The following SPATA31F1 variants were observed in gnomAD, a reference collection of about 807,000 sequenced individuals.
SPATA31F1 encodes the protein protein SPATA31F1.
chr9:34,726,413 A>G, the SPATA31F1 span: 1 of 1,549,596 alleles, frequency 6.5e-7, no homozygotes, highest in Non-Finnish European at 8.7e-7. Flanking sequence ...GACCATATGC[A>G]AGGCCATTGG....
At chr9:34,723,387 C>G in the SPATA31F1 span, 7 of 1,551,572 alleles carry the variant, frequency 4.5e-6, no homozygotes, top group South Asian at 7.1e-5. Context: ...AAGGCTGGGC[C>G]CACCAGCTTC....
chr9:34,727,032 G>A, the SPATA31F1 span: 1 of 1,523,154 alleles, frequency 6.6e-7, no homozygotes, highest in Non-Finnish European at 8.8e-7. Flanking sequence ...AGTGACATCT[G>A]CCTTCTTGGA....
chr9:34,725,781 A>T, the SPATA31F1 span: 1 of 1,548,664 alleles, frequency 6.5e-7, no homozygotes, highest in Non-Finnish European at 8.7e-7. Context: ...GGTGGGGCTG[A>T]CTGGGGTGAA....
chr9:34,728,515 G>T, the SPATA31F1 span: 1 of 1,232,730 alleles, frequency 8.1e-7, no homozygotes, highest in Non-Finnish European at 1.2e-6. Context: ...CAGTGGCAGA[G>T]CACCTGGCTC....
At chr9:34,728,725 A>T in the SPATA31F1 span, 4 of 1,376,618 alleles carry the variant, frequency 2.9e-6, no homozygotes, top group Non-Finnish European at 4.0e-6. Context: ...AATGAGACAA[A>T]ACTTACATAC....
the SPATA31F1 span, chr9:34,728,122 T>G: frequency 2.1e-3 from 3,252 of 1,534,948 alleles, 8 homozygotes; most frequent in Non-Finnish European, 2.8e-3. Context: ...CATGGGATAA[T>G]TTCATAGGCA....
At chr9:34,723,562 T>C in the SPATA31F1 span, 1 of 1,551,810 alleles carries the variant, frequency 6.4e-7, no homozygotes. Flanking sequence ...CTTTGCCTTT[T>C]GTCTTGGGGT....
the SPATA31F1 span, chr9:34,723,326 T>C: frequency 6.4e-7 from 1 of 1,551,662 alleles, no homozygotes; most frequent in Non-Finnish European, 8.7e-7. Flanking sequence ...AGAGCCAGGT[T>C]GTCTGGAGTG....
chr9:34,726,935 G>A, the SPATA31F1 span: 1 of 1,551,596 alleles, frequency 6.4e-7, no homozygotes, highest in South Asian at 1.2e-5. Context: ...TTGGCAGCAG[G>A]GATCTGCACA....
chr9:34,729,257 T>C, the SPATA31F1 span: 4 of 1,545,186 alleles, frequency 2.6e-6, no homozygotes, highest in Non-Finnish European at 3.5e-6. Context: ...TGAGGCTTAA[T>C]TAGTTCAGTT....
the SPATA31F1 span, chr9:34,728,107 T>C: frequency 1.9e-6 from 3 of 1,549,706 alleles, no homozygotes; most frequent in Non-Finnish European, 2.6e-6. Flanking sequence ...GACAGTGTTA[T>C]ATGGCATGGG....
the SPATA31F1 span, chr9:34,724,358 A>G: frequency 6.4e-7 from 1 of 1,551,014 alleles, no homozygotes; most frequent in Non-Finnish European, 8.7e-7. Flanking sequence ...CTGTTCTTTA[A>G]GGTGAACCCC....
At chr9:34,727,685 A>G in the SPATA31F1 span, among the ~76,000 whole-genome samples, 10 of 152,234 alleles carry the variant, frequency 6.6e-5, no homozygotes, top group African/African-American at 2.4e-4. Flanking sequence ...TAAGACAAGG[A>G]TGACTTCTTT....
chr9:34,726,889 C>G, the SPATA31F1 span: 2 of 1,551,682 alleles, frequency 1.3e-6, no homozygotes, highest in African/African-American at 2.7e-5. Context: ...CACCCACCAG[C>G]AATTGCTGAA....
chr9:34,724,439 T>C, the SPATA31F1 span: 11 of 1,551,124 alleles, frequency 7.1e-6, no homozygotes, highest in Admixed American at 1.4e-4. Flanking sequence ...CCCTTGGTGG[T>C]TTAGACTTTC....
chr9:34,728,755 T>C, the SPATA31F1 span: 1 of 1,076,916 alleles, frequency 9.3e-7, no homozygotes, highest in Non-Finnish European at 1.4e-6. Context: ...TCGCTTTGTA[T>C]ATATCTATCT....
the SPATA31F1 span, chr9:34,726,888 G>A: frequency 1.3e-6 from 2 of 1,551,712 alleles, no homozygotes; most frequent in Non-Finnish European, 8.7e-7. Flanking sequence ...TCACCCACCA[G>A]CAATTGCTGA....
At chr9:34,726,557 G>T in the SPATA31F1 span, 1 of 1,551,906 alleles carries the variant, frequency 6.4e-7, no homozygotes, top group Non-Finnish European at 8.7e-7. Flanking sequence ...TGGAGCCCTT[G>T]GCTTCTCAAT....
At chr9:34,728,014 T>C in the SPATA31F1 span, 6 of 1,551,658 alleles carry the variant, frequency 3.9e-6, no homozygotes, top group South Asian at 4.8e-5. Context: ...CAAAGAGCAA[T>C]AGATCACCTT....
Sources: allele counts gnomAD v4.1 joint callset (sites outside exome capture counted in the v4.1 genomes callset), GRCh38; gene constraint gnomAD v4.1.1; transcripts MANE v1.5; gene names NCBI Gene and HGNC (gene_info 2026-07-23, HGNC 2026-07-21).